Variants in IQCJ observed in about 807,000 individuals in gnomAD.
IQCJ encodes IQ motif containing J, also known as IQ domain-containing protein J.
IQCJ carries 9 observed loss-of-function variants against 11.0 expected under a neutral mutation model. The observed-to-expected ratio is 0.82, with a 90% CI of 0.49 to 1.43. IQCJ has a LOEUF of 1.43. Ranked by LOEUF, IQCJ falls within the 40% of genes most tolerant of loss-of-function variation. IQCJ has a pLI of 0.00. For missense variants in IQCJ, 146 were observed against 133.2 expected (o/e 1.10, Z -0.47); for synonymous variants, 55 against 51.3 (o/e 1.07, Z -0.31).
At chr3:159,175,380 A>G (rs773554260) in intron 1 of IQCJ, among the ~76,000 whole-genome samples, 1 of 152,124 alleles carries the variant, frequency 6.6e-6, no homozygotes, top group Non-Finnish European at 1.5e-5. Flanking sequence ...CTGAAGTGGG[A>G]GGATCACTTG....
chr3:159,107,865 A>G (rs1718362239), intron 1 of IQCJ, among the ~76,000 whole-genome samples: 1 of 152,098 alleles, frequency 6.6e-6, no homozygotes. Context: ...GATGTCCTGG[A>G]CAAGTTGAGC....
chr3:159,167,912 C>T (rs925671044), intron 1 of IQCJ, among the ~76,000 whole-genome samples: 1 of 152,214 alleles, frequency 6.6e-6, no homozygotes, highest in Non-Finnish European at 1.5e-5. Context: ...GGTTTACAAA[C>T]TATTCTTTGT....
At chr3:159,210,024 C>A (rs974044738) in intron 1 of IQCJ, among the ~76,000 whole-genome samples, 21 of 152,122 alleles carry the variant, frequency 1.4e-4, no homozygotes, top group African/African-American at 5.1e-4. Flanking sequence ...CCAAAATAAA[C>A]TGATAAAACT....
chr3:159,112,491 G>C (rs911837286), intron 1 of IQCJ, among the ~76,000 whole-genome samples: 2 of 152,016 alleles, frequency 1.3e-5, no homozygotes, highest in African/African-American at 4.8e-5. Flanking sequence ...CTAGACCTTT[G>C]GACATATAGA....
At chr3:159,233,295 A>AG (rs928226400) in intron 1 of IQCJ, among the ~76,000 whole-genome samples, 3 of 152,084 alleles carry the variant, frequency 2.0e-5, no homozygotes, top group African/African-American at 7.2e-5. Flanking sequence ...CTGCTAGGTG[A>AG]GGGGGGTCAA....
At chr3:159,196,893 G>A (rs955016897) in intron 1 of IQCJ, among the ~76,000 whole-genome samples, 17 of 152,236 alleles carry the variant, frequency 1.1e-4, no homozygotes, top group Middle Eastern at 3.4e-3. Context: ...ACTAGACATA[G>A]ATATCGCCAT....
intron 1 of IQCJ, among the ~76,000 whole-genome samples, chr3:159,138,997 GA>G (rs1170954829): frequency 6.6e-6 from 1 of 152,132 alleles, no homozygotes; most frequent in East Asian, 1.9e-4. Flanking sequence ...GCCTGAAATT[GA>G]ACAATTTTCT....
intron 1 of IQCJ, among the ~76,000 whole-genome samples, chr3:159,206,230 T>A (rs764646277): frequency 6.6e-6 from 1 of 152,234 alleles, no homozygotes; most frequent in Non-Finnish European, 1.5e-5. Context: ...TTTTCAGTAT[T>A]TCACTATCTT....
chr3:159,077,338 C>T (rs1576987279), intron 1 of IQCJ, among the ~76,000 whole-genome samples: 2 of 152,072 alleles, frequency 1.3e-5, no homozygotes, highest in Non-Finnish European at 2.9e-5. Flanking sequence ...TTTGACCTAT[C>T]AATTTTACTT....
intron 2 of IQCJ, among the ~76,000 whole-genome samples, chr3:159,251,889 G>A (rs543745283): frequency 6.6e-6 from 1 of 152,244 alleles, no homozygotes; most frequent in East Asian, 1.9e-4. Context: ...GGAAGTTACT[G>A]TGATAAATAA....
chr3:159,120,620 TGAA>T (rs962463485), intron 1 of IQCJ, among the ~76,000 whole-genome samples: 4 of 152,218 alleles, frequency 2.6e-5, no homozygotes, highest in Admixed American at 2.6e-4. Flanking sequence ...AATGCTGTAC[TGAA>T]GAAGAGACTG....
intron 1 of IQCJ, among the ~76,000 whole-genome samples, chr3:159,161,632 C>T (rs1187737497): frequency 3.9e-5 from 6 of 152,034 alleles, no homozygotes; most frequent in African/African-American, 1.2e-4. Flanking sequence ...TGGTAATGTC[C>T]AGGTTTTCTT....
chr3:159,089,867 GT>G (rs1717109986), intron 1 of IQCJ, among the ~76,000 whole-genome samples: 1 of 151,698 alleles, frequency 6.6e-6, no homozygotes, highest in East Asian at 1.9e-4. Context: ...TGGTTTGAGT[GT>G]CCTCCTGTAG....
chr3:159,089,589 T>C (rs1049293352), intron 1 of IQCJ, among the ~76,000 whole-genome samples: 3 of 151,840 alleles, frequency 2.0e-5, no homozygotes, highest in Admixed American at 6.6e-5. Flanking sequence ...TTTCACATAG[T>C]CCCATATTTC....
At chr3:159,107,681 T>A (rs1319913722) in intron 1 of IQCJ, among the ~76,000 whole-genome samples, 1 of 152,148 alleles carries the variant, frequency 6.6e-6, no homozygotes, top group East Asian at 1.9e-4. Context: ...TATTAACTAA[T>A]CCTAAGGGCA....
At chr3:159,190,907 G>A (rs1448712123) in intron 1 of IQCJ, among the ~76,000 whole-genome samples, 1 of 152,168 alleles carries the variant, frequency 6.6e-6, no homozygotes, top group Non-Finnish European at 1.5e-5. Context: ...ATAGTTAGGG[G>A]AACATTAGAC....
intron 3 of IQCJ, among the ~76,000 whole-genome samples, chr3:159,256,401 C>T (rs1727899117): frequency 6.6e-6 from 1 of 151,882 alleles, no homozygotes; most frequent in Admixed American, 6.6e-5. Context: ...GATAGCATTC[C>T]CAAAAGAACT....
chr3:159,262,009 G>T (rs1413190112), intron 3 of IQCJ, among the ~76,000 whole-genome samples: 1 of 152,154 alleles, frequency 6.6e-6, no homozygotes, highest in Non-Finnish European at 1.5e-5. Flanking sequence ...ACTGCATTTG[G>T]CCATGCAGAC....
intron 1 of IQCJ, among the ~76,000 whole-genome samples, chr3:159,162,072 T>C (rs999049138): frequency 2.6e-5 from 4 of 152,180 alleles, no homozygotes; most frequent in African/African-American, 9.7e-5. Flanking sequence ...GTGAAGAAAG[T>C]CATTGGTACC....
Sources: allele counts gnomAD v4.1 joint callset (sites outside exome capture counted in the v4.1 genomes callset), GRCh38; gene constraint gnomAD v4.1.1; transcripts MANE v1.5; gene names NCBI Gene and HGNC (gene_info 2026-07-23, HGNC 2026-07-21).